Variants in RHOJ observed in about 807,000 individuals in gnomAD.
RHOJ encodes rho-related GTP-binding protein RhoJ.
RHOJ carries 11 observed loss-of-function variants against 23.4 expected under a neutral mutation model. That is an observed-to-expected ratio of 0.47 (90% CI 0.30 to 0.78). The LOEUF (loss-of-function observed/expected upper bound fraction) is 0.78, where lower values mean the gene tolerates loss of function less well. RHOJ is among the 30% of genes least tolerant of loss of function. RHOJ has a pLI of 0.08. For synonymous variants in RHOJ, 102 were observed against 102.7 expected, an observed-to-expected ratio of 0.99 and a Z score of 0.04; for missense variants, 254 against 273.4, an observed-to-expected ratio of 0.93 and a Z score of 0.50.
intron 2 of RHOJ, among the ~76,000 whole-genome samples, chr14:63,275,703 C>A (rs1168344547): frequency 6.6e-6 from 1 of 152,190 alleles, no homozygotes; most frequent in Non-Finnish European, 1.5e-5. Flanking sequence ...AAAACGCTGT[C>A]TCTTCAAGAA....
intron 1 of RHOJ, among the ~76,000 whole-genome samples, chr14:63,248,479 T>C (rs1895014549): frequency 6.6e-6 from 1 of 152,190 alleles, no homozygotes; most frequent in Admixed American, 6.5e-5. Flanking sequence ...GCTCCCTTTG[T>C]CATTCTAAGG....
intron 1 of RHOJ, among the ~76,000 whole-genome samples, chr14:63,230,063 C>T (rs1894662648): frequency 6.6e-6 from 1 of 152,086 alleles, no homozygotes; most frequent in Non-Finnish European, 1.5e-5. Flanking sequence ...AAGATTGTCT[C>T]AACCACCCTT....
intron 4 of RHOJ, among the ~76,000 whole-genome samples, chr14:63,286,600 C>A (rs1222297108): frequency 6.6e-6 from 1 of 152,156 alleles, no homozygotes; most frequent in Admixed American, 6.5e-5. Context: ...AATTTAGTGG[C>A]CAACATTTAA....
Position 63,204,939 on chromosome 14 carries a change from T to C in RHOJ, c.70T>C (p.Cys24Arg), listed in dbSNP as rs1432664133. The C allele has an allele frequency of 6.2e-7, 1 of 1,613,996 alleles. No individual in the cohort carries two copies. Among genetic ancestry groups the C allele is most frequent in the Non-Finnish European group, 8.5e-7 (1 of 1,179,996 alleles). Reference sequence around the variant, plus strand: ...CAACGACGAGAAGAAGATGTTGAAGTGTGTGGTGGTGGGGGACGGTGCCGT... The same window carrying C: ...CAACGACGAGAAGAAGATGTTGAAGCGTGTGGTGGTGGGGGACGGTGCCGT... ...RGNDEKKMLK[C>R]VVVGDGAVGK... is the part of the protein sequence containing the mutation. The change falls in exon 1 of 5, where the codon TGT becomes CGT. Residue 24 changes from cysteine (C) to arginine (R), a missense_variant. Coordinates refer to ENST00000316754, the MANE Select transcript of RHOJ (RefSeq NM_020663.5).
At chr14:63,240,349 G>A (rs182298817) in intron 1 of RHOJ, among the ~76,000 whole-genome samples, 133 of 152,282 alleles carry the variant, frequency 8.7e-4, no homozygotes, top group Admixed American at 2.0e-3. Flanking sequence ...TTTTTGGCAT[G>A]AGATACTACT....
chr14:63,249,326 C>T (rs1895028597), intron 1 of RHOJ, among the ~76,000 whole-genome samples: 2 of 152,208 alleles, frequency 1.3e-5, no homozygotes, highest in African/African-American at 2.4e-5. Flanking sequence ...CCCACAGCAA[C>T]AGGATGCAGT....
chr14:63,276,212 G>T (rs867593455), intron 2 of RHOJ, among the ~76,000 whole-genome samples: 2 of 74,416 alleles, frequency 2.7e-5, no homozygotes, highest in Non-Finnish European at 2.2e-5. Flanking sequence ...AGCTTCGGTG[G>T]GGGGGGGCGG....
intron 1 of RHOJ, among the ~76,000 whole-genome samples, chr14:63,238,733 A>G (rs912937778): frequency 1.3e-5 from 2 of 152,106 alleles, no homozygotes; most frequent in African/African-American, 4.8e-5. Context: ...ATGTACTTTC[A>G]GTAGTGCATA....
intron 3 of RHOJ, among the ~76,000 whole-genome samples, chr14:63,282,644 A>G (rs1160211661): frequency 6.6e-6 from 1 of 151,600 alleles, no homozygotes; most frequent in African/African-American, 2.4e-5. Flanking sequence ...GCAAATCTTC[A>G]TACCTCCTTT....
intron 2 of RHOJ, among the ~76,000 whole-genome samples, chr14:63,278,152 G>A (rs187283223): frequency 6.6e-6 from 1 of 151,866 alleles, no homozygotes; most frequent in African/African-American, 2.4e-5. Context: ...TTTTTGTTTT[G>A]GGTTTATTTT....
intron 1 of RHOJ, among the ~76,000 whole-genome samples, chr14:63,225,399 C>T (rs769331493): frequency 2.0e-5 from 3 of 152,186 alleles, no homozygotes; most frequent in African/African-American, 4.8e-5. Flanking sequence ...TATAAGCAAT[C>T]TCATCCCTAT....
chr14:63,241,154 C>G (rs1894876667), intron 1 of RHOJ, among the ~76,000 whole-genome samples: 1 of 152,202 alleles, frequency 6.6e-6, no homozygotes, highest in South Asian at 2.1e-4. Flanking sequence ...GCAGTGGAGG[C>G]CACGCCATAC....
intron 1 of RHOJ, among the ~76,000 whole-genome samples, chr14:63,268,239 G>C (rs1332722482): frequency 6.6e-6 from 1 of 151,516 alleles, no homozygotes; most frequent in Non-Finnish European, 1.5e-5. Context: ...ATTTAAATTT[G>C]CTCTTTCCTT....
chr14:63,238,915 T>C (rs1198070175), intron 1 of RHOJ, among the ~76,000 whole-genome samples: 1 of 152,206 alleles, frequency 6.6e-6, no homozygotes, highest in East Asian at 1.9e-4. Context: ...AACATGCCCA[T>C]GGTGGCATCA....
At chr14:63,220,696 A>C (rs1894472556) in intron 1 of RHOJ, among the ~76,000 whole-genome samples, 1 of 152,166 alleles carries the variant, frequency 6.6e-6, no homozygotes, top group African/African-American at 2.4e-5. Context: ...GCATCATAAA[A>C]GTTTTTATAT....
At chr14:63,209,356 A>G (rs1453885900) in intron 1 of RHOJ, among the ~76,000 whole-genome samples, 3 of 151,892 alleles carry the variant, frequency 2.0e-5, no homozygotes, top group Non-Finnish European at 4.4e-5. Context: ...TATCTCTCCA[A>G]TCTCATCTCT....
chr14:63,259,422 C>A (rs1232079586), intron 1 of RHOJ, among the ~76,000 whole-genome samples: 1 of 152,216 alleles, frequency 6.6e-6, no homozygotes, highest in East Asian at 1.9e-4. Flanking sequence ...CATCCTTTCA[C>A]CAGCTTTGAA....
Position 63,293,401 on chromosome 14 carries a change from G to A in RHOJ, c.*2377G>A, listed in dbSNP as rs959161796. Among the ~76,000 whole-genome samples, 5 of 152,138 alleles carry A rather than the reference G, an allele frequency of 3.3e-5. No individual in the cohort carries two copies. The highest frequency in any genetic ancestry group is 2.1e-4 in the South Asian group (1 of 4,826). Reference sequence around the variant, plus strand: ...AAGTTGATCTTGATGGGGAGATCACGTCACCCAGAACCAGCAACTGGATAG... The same window carrying A: ...AAGTTGATCTTGATGGGGAGATCACATCACCCAGAACCAGCAACTGGATAG... On this transcript the variant is annotated 3_prime_UTR_variant, in exon 5 of 5. Coordinates refer to ENST00000316754, the MANE Select transcript of RHOJ (RefSeq NM_020663.5).
intron 2 of RHOJ, among the ~76,000 whole-genome samples, chr14:63,270,032 T>C (rs1895438998): frequency 6.6e-6 from 1 of 152,176 alleles, no homozygotes; most frequent in Non-Finnish European, 1.5e-5. Flanking sequence ...GGGTCATCTA[T>C]TTAGGTCAAA....
Sources: gnomAD v4.1 joint callset for allele counts (sites outside exome capture counted in the v4.1 genomes callset) on GRCh38, gnomAD v4.1.1 for gene constraint, MANE v1.5 for transcripts, NCBI Gene and HGNC (gene_info 2026-07-23, HGNC 2026-07-21) for gene names.